The following ADCY5 variants were observed in gnomAD, a reference collection of about 807,000 sequenced individuals.
ADCY5 encodes the protein adenylate cyclase 5.
In ADCY5, 30 loss-of-function variants were observed where a neutral mutation model predicts 119.7. The ratio of observed to expected loss-of-function variants is 0.25; its 90% CI spans 0.19 to 0.34. ADCY5 has a LOEUF of 0.34. Among genes scored for constraint, ADCY5 ranks in the 10% least tolerant of loss-of-function variants. The probability of loss-of-function intolerance (pLI) is 1.00; values close to 1 mark genes in which losing one functional copy is unlikely to be tolerated. For missense variants in ADCY5, 1,324 were observed against 1,775.2 expected (o/e 0.75, Z 4.57); for synonymous variants, 753 against 762.2 (o/e 0.99, Z 0.20).
intron 16 of ADCY5, 146 bp downstream of exon 16, chr3:123,297,207 G>A (rs2108231338): frequency 1.5e-6 from 2 of 1,376,390 alleles, no homozygotes; most frequent in South Asian, 1.2e-5. Flanking sequence ...GCTACCCCAG[G>A]AGGAACCAGC....
intron 3 of ADCY5, among the ~76,000 whole-genome samples, chr3:123,335,522 T>C (rs1434865663): frequency 6.6e-6 from 1 of 151,758 alleles, no homozygotes; most frequent in African/African-American, 2.4e-5. Context: ...ACTTTAGGAG[T>C]TGAACCAATC....
chr3:123,329,125 C>T (rs1941640320), intron 5 of ADCY5, among the ~76,000 whole-genome samples: 1 of 152,236 alleles, frequency 6.6e-6, no homozygotes, highest in Non-Finnish European at 1.5e-5. Context: ...TGGAAAAATG[C>T]AAATGCACGT....
intron 1 of ADCY5, among the ~76,000 whole-genome samples, chr3:123,402,694 C>G (rs1559864029): frequency 6.6e-6 from 1 of 150,770 alleles, no homozygotes; most frequent in African/African-American, 2.4e-5. Flanking sequence ...ACTAAAAATA[C>G]AAAAAAAAAT....
chr3:123,438,872 A>G (rs1472304631), intron 1 of ADCY5, among the ~76,000 whole-genome samples: 7 of 151,826 alleles, frequency 4.6e-5, no homozygotes, highest in African/African-American at 1.7e-4. Context: ...TCAGCCTCCC[A>G]GGTAGCTAGG....
chr3:123,381,571 G>A (rs759643694), intron 1 of ADCY5, among the ~76,000 whole-genome samples: 1 of 152,214 alleles, frequency 6.6e-6, no homozygotes, highest in Non-Finnish European at 1.5e-5. Context: ...CTGTGCAGCT[G>A]CACAGGGCTC....
Position 123,437,278 on chromosome 3 carries a change from G to T in ADCY5, c.1134+10134C>A, listed in dbSNP as rs537876794. Among the ~76,000 whole-genome samples, 8 of 152,280 alleles carry T rather than the reference G, an allele frequency of 5.3e-5. No individual in the cohort carries two copies. The East Asian group carries it at 1.5e-3, about 29-fold the overall frequency. On this transcript the variant is annotated intron_variant, in intron 1 of 20. Transcript: ENST00000462833. ...AGTGCCCAACAGCCACTGGTTGAAT[G>T]CTGCTCTCAGGAAGTAACTCCCTGG...
intron 14 of ADCY5, among the ~76,000 whole-genome samples, 183 bp downstream of exon 14, chr3:123,302,872 C>T (rs1939925363): frequency 6.6e-6 from 1 of 152,196 alleles, no homozygotes; most frequent in Non-Finnish European, 1.5e-5. Context: ...ATGGAGGAGG[C>T]TCCCCTTGTT....
At chr3:123,318,148 CAA>C in intron 10 of ADCY5, 31 bp from the exon 11 acceptor site, 4 of 1,573,846 alleles carry the variant, frequency 2.5e-6, no homozygotes, top group Non-Finnish European at 3.5e-6. Context: ...TGAGAGGGGC[CAA>C]GGTACCTGGC....
At chr3:123,372,997 T>C (rs1198465505) in intron 1 of ADCY5, among the ~76,000 whole-genome samples, 1 of 152,142 alleles carries the variant, frequency 6.6e-6, no homozygotes, top group Non-Finnish European at 1.5e-5. Flanking sequence ...GAGGTGGCAA[T>C]GCAACACTCA....
At chr3:123,408,926 G>T (rs1944976195) in intron 1 of ADCY5, among the ~76,000 whole-genome samples, 1 of 151,994 alleles carries the variant, frequency 6.6e-6, no homozygotes, top group African/African-American at 2.4e-5. Flanking sequence ...AGTGAGCCGA[G>T]GTCCTGCCAC....
chr3:123,308,147 T>C (rs895412819), intron 12 of ADCY5, among the ~76,000 whole-genome samples: 4 of 150,966 alleles, frequency 2.6e-5, no homozygotes, highest in Admixed American at 6.6e-5. Flanking sequence ...CATTCTCCTG[T>C]CTCAGCCTCT....
At chr3:123,399,285 T>C (rs376249730) in intron 1 of ADCY5, among the ~76,000 whole-genome samples, 5 of 152,378 alleles carry the variant, frequency 3.3e-5, no homozygotes, top group African/African-American at 4.8e-5. Flanking sequence ...ATAAAGTGTA[T>C]GCCTAAAACT....
intron 18 of ADCY5, 122 bp downstream of exon 18, chr3:123,290,991 C>T: frequency 7.6e-7 from 1 of 1,316,434 alleles, no homozygotes; most frequent in East Asian, 2.5e-5. Context: ...GGCAGAGCTC[C>T]CATCATCACT....
intron 3 of ADCY5, among the ~76,000 whole-genome samples, chr3:123,333,860 T>G (rs1453418444): frequency 6.6e-6 from 1 of 152,174 alleles, no homozygotes; most frequent in African/African-American, 2.4e-5. Flanking sequence ...CCCTCCATCC[T>G]GAGGGAGTCC....
chr3:123,394,903 G>C (rs1944499634), intron 1 of ADCY5, among the ~76,000 whole-genome samples: 2 of 152,150 alleles, frequency 1.3e-5, no homozygotes, highest in Non-Finnish European at 2.9e-5. Context: ...ACTTCTATCA[G>C]GAAGAATTAT....
chr3:123,420,366 T>C (rs1945278122), intron 1 of ADCY5: 1 of 152,262 alleles, frequency 6.6e-6, no homozygotes, highest in African/African-American at 2.4e-5. Context: ...CGGGTAGAGA[T>C]GCTCAGGCCA....
At chr3:123,442,072 C>T (rs1298920541) in intron 1 of ADCY5, among the ~76,000 whole-genome samples, 1 of 151,780 alleles carries the variant, frequency 6.6e-6, no homozygotes, top group Non-Finnish European at 1.5e-5. Flanking sequence ...GAGCCAGCTA[C>T]CCTCATCTGA....
rs545911272 is a variant in ADCY5 at position 123,358,773 on chromosome 3, C to T, written c.1135-6192G>A. Among the ~76,000 whole-genome samples, 4 of 152,318 alleles carry T rather than the reference C, an allele frequency of 2.6e-5. No individual in the cohort carries two copies. The East Asian group carries it at 7.7e-4, about 29-fold the overall frequency. On this transcript the variant is annotated intron_variant, in intron 1 of 20. Coordinates refer to ENST00000462833, the MANE Select transcript of ADCY5 (RefSeq NM_183357.3). ...GGGAGATGCCTATGAATATTTAATA[C>T]TTCTAAAACCCCAGCACTTCTGAAA...
At chr3:123,285,969 G>A (rs1239033042) in intron 20 of ADCY5, among the ~76,000 whole-genome samples, 1 of 152,216 alleles carries the variant, frequency 6.6e-6, no homozygotes, top group Non-Finnish European at 1.5e-5. Context: ...GTTGGCAAAA[G>A]GCCTTAAAAG....
Sources: gnomAD v4.1 joint callset for allele counts (sites outside exome capture counted in the v4.1 genomes callset) on GRCh38, gnomAD v4.1.1 for gene constraint, MANE v1.5 for transcripts, NCBI Gene and HGNC (gene_info 2026-07-23, HGNC 2026-07-21) for gene names.